The following PDE10A variants were observed in gnomAD, a reference collection of about 807,000 sequenced individuals.
PDE10A encodes cAMP and cAMP-inhibited cGMP 3',5'-cyclic phosphodiesterase 10A.
PDE10A carries 39 observed loss-of-function variants against 97.7 expected under a neutral mutation model. The ratio of observed to expected loss-of-function variants is 0.40; its 90% CI spans 0.31 to 0.52. The LOEUF (loss-of-function observed/expected upper bound fraction) is 0.52, where lower values mean the gene tolerates loss of function less well. Among genes scored for constraint, PDE10A ranks in the 20% least tolerant of loss-of-function variants. PDE10A has a pLI of 0.56. For missense variants in PDE10A, 731 were observed against 1,047.8 expected (o/e 0.70, Z 4.17); for synonymous variants, 371 against 376.8 (o/e 0.98, Z 0.18).
intron 1 of PDE10A, among the ~76,000 whole-genome samples, chr6:165,571,855 T>C (rs923165069): frequency 6.6e-6 from 1 of 152,250 alleles, no homozygotes; most frequent in African/African-American, 2.4e-5. Flanking sequence ...CCCAACTTGC[T>C]ATGCTGCTGT....
chr6:165,986,810 T>A (rs2128505460), intron 1 of PDE10A, among the ~76,000 whole-genome samples: 1 of 151,780 alleles, frequency 6.6e-6, no homozygotes, highest in East Asian at 1.9e-4. Flanking sequence ...GTGTTTGCAG[T>A]GTTTGGTGAG....
intron 1 of PDE10A, among the ~76,000 whole-genome samples, chr6:165,805,285 G>C (rs922982463): frequency 6.6e-6 from 1 of 152,102 alleles, no homozygotes; most frequent in Non-Finnish European, 1.5e-5. Flanking sequence ...CGGAAGGAAC[G>C]GCCGCTTTCC....
intron 1 of PDE10A, among the ~76,000 whole-genome samples, chr6:165,653,523 G>A (rs1789788235): frequency 6.6e-6 from 1 of 152,212 alleles, no homozygotes; most frequent in Admixed American, 6.5e-5. Flanking sequence ...AGTGGAGAGA[G>A]ACAGAGCAGA....
At chr6:165,648,549 T>G (rs1383676280) in intron 1 of PDE10A, among the ~76,000 whole-genome samples, 1 of 152,220 alleles carries the variant, frequency 6.6e-6, no homozygotes, top group Non-Finnish European at 1.5e-5. Context: ...ACTGAATGCC[T>G]TATTCTATCA....
intron 18 of PDE10A, among the ~76,000 whole-genome samples, chr6:165,352,344 C>T (rs491253): frequency 0.47 from 71,109 of 151,934 alleles, 17,530 homozygotes; most frequent in African/African-American, 0.64. Flanking sequence ...ATTTATTTCT[C>T]CAAATGAAAT....
chr6:165,452,025 T>C (rs1562480252), intron 3 of PDE10A, among the ~76,000 whole-genome samples: 1 of 152,216 alleles, frequency 6.6e-6, no homozygotes, highest in African/African-American at 2.4e-5. Context: ...ATTTGGCTGA[T>C]GATGGGAGAC....
intron 1 of PDE10A, among the ~76,000 whole-genome samples, chr6:165,601,875 C>T (rs535210716): frequency 1.3e-5 from 2 of 152,102 alleles, no homozygotes; most frequent in Admixed American, 1.3e-4. Flanking sequence ...CATCTACCAC[C>T]GCAACATCTC....
intron 1 of PDE10A, among the ~76,000 whole-genome samples, chr6:165,979,208 A>T (rs1784935804): frequency 6.6e-6 from 1 of 152,140 alleles, no homozygotes; most frequent in South Asian, 2.1e-4. Context: ...GGAGCTGGGT[A>T]AGGGTTCTTG....
intron 18 of PDE10A, among the ~76,000 whole-genome samples, chr6:165,360,496 T>A (rs1045581518): frequency 5.3e-5 from 8 of 152,172 alleles, no homozygotes; most frequent in African/African-American, 1.9e-4. Context: ...TCACCTACCA[T>A]CCAATGTCAG....
At chr6:165,614,993 C>T (rs750741447) in intron 1 of PDE10A, among the ~76,000 whole-genome samples, 2 of 151,950 alleles carry the variant, frequency 1.3e-5, no homozygotes, top group African/African-American at 2.4e-5. Flanking sequence ...GGGCAGATCA[C>T]GAGGTCAGGA....
intron 2 of PDE10A, among the ~76,000 whole-genome samples, chr6:165,499,753 A>G (rs1780757055): frequency 6.6e-6 from 1 of 152,240 alleles, no homozygotes; most frequent in South Asian, 2.1e-4. Flanking sequence ...ATTAACTGCT[A>G]CAGAAATTGC....
intron 21 of PDE10A, among the ~76,000 whole-genome samples, 189 bp from the exon 22 acceptor site, chr6:165,333,316 G>A (rs1781449253): frequency 6.6e-6 from 1 of 152,170 alleles, no homozygotes; most frequent in Non-Finnish European, 1.5e-5. Context: ...GAGATTCAGA[G>A]GTGCCAGAGG....
At chr6:165,723,611 G>A (rs1205226005) in intron 1 of PDE10A, among the ~76,000 whole-genome samples, 2 of 152,210 alleles carry the variant, frequency 1.3e-5, no homozygotes, top group South Asian at 2.1e-4. Flanking sequence ...AATAGAGCAT[G>A]TTTTGCCATA....
At chr6:165,657,105 C>A (rs558602801) in intron 1 of PDE10A, among the ~76,000 whole-genome samples, 1 of 152,234 alleles carries the variant, frequency 6.6e-6, no homozygotes, top group East Asian at 1.9e-4. Context: ...CCACTGTTAA[C>A]AGTCTCAGGG....
At chr6:165,430,898 A>C (rs1280145704) in intron 8 of PDE10A, among the ~76,000 whole-genome samples, 2 of 152,190 alleles carry the variant, frequency 1.3e-5, no homozygotes, top group Admixed American at 1.3e-4. Flanking sequence ...AAAAGAGAGA[A>C]GGAGAAGATA....
chr6:165,927,336 A>G (rs1236110401), intron 1 of PDE10A, among the ~76,000 whole-genome samples: 1 of 152,186 alleles, frequency 6.6e-6, no homozygotes, highest in Non-Finnish European at 1.5e-5. Context: ...GAAACAGCCT[A>G]AAAGCCAACA....
chr6:165,924,361 T>C (rs1291442395), intron 1 of PDE10A, among the ~76,000 whole-genome samples: 1 of 152,132 alleles, frequency 6.6e-6, no homozygotes, highest in Non-Finnish European at 1.5e-5. Context: ...GTACAGTTCA[T>C]GGTTCCTATG....
At chr6:165,584,160 C>G (rs759011550) in intron 1 of PDE10A, among the ~76,000 whole-genome samples, 3 of 152,186 alleles carry the variant, frequency 2.0e-5, no homozygotes, top group Non-Finnish European at 4.4e-5. Flanking sequence ...AAAGTTGTGC[C>G]TGGCAGCCCT....
intron 1 of PDE10A, among the ~76,000 whole-genome samples, chr6:165,832,580 C>T (rs1583163775): frequency 2.0e-5 from 3 of 152,318 alleles, no homozygotes; most frequent in South Asian, 2.1e-4. Flanking sequence ...AACCCAGCTT[C>T]GAGCTCCGCT....
Sources: gnomAD v4.1 joint callset for allele counts (sites outside exome capture counted in the v4.1 genomes callset) on GRCh38, gnomAD v4.1.1 for gene constraint, MANE v1.5 for transcripts, NCBI Gene and HGNC (gene_info 2026-07-23, HGNC 2026-07-21) for gene names.